CHD1L: variants seen among roughly 807,000 people sequenced by gnomAD.
The protein encoded by CHD1L is chromodomain helicase DNA binding protein 1 like, also known as ATP-dependent chromatin remodeler CHD1L.
Under a neutral mutation model 115.9 loss-of-function variants are expected in CHD1L, and 118 were observed. The ratio of observed to expected loss-of-function variants is 1.02; its 90% CI spans 0.88 to 1.19. CHD1L has a LOEUF of 1.19. CHD1L is among the 50% of genes most tolerant of loss of function. CHD1L has a pLI of 0.00. For missense variants in CHD1L, 1,179 were observed against 1,065.3 expected, an observed-to-expected ratio of 1.11 and a Z score of -1.49; for synonymous variants, 411 against 387.1, an observed-to-expected ratio of 1.06 and a Z score of -0.72.
Position 147,268,781 on chromosome 1 carries a change from G to T in CHD1L, c.989-1G>T. On this transcript the variant is annotated splice_acceptor_variant, in intron 9 of 22. Coordinates refer to ENST00000369258, the MANE Select transcript of CHD1L (RefSeq NM_004284.6). LOFTEE classifies it high-confidence loss of function. ...CTGGGAGTGGGTTCTTTCTTTTCTA[G>T]GTGTGGAGCCGGAGCCTTTTGAAGT... is the stretch of plus-strand genomic sequence containing the variant. 1 of 1,612,614 alleles carries T rather than the reference G, an allele frequency of 6.2e-7. No individual in the cohort carries two copies. The highest frequency in any genetic ancestry group is 8.5e-7 in the Non-Finnish European group (1 of 1,179,074).
At chr1:147,225,079 T>C in the CHD1L span, 1 of 1,612,458 alleles carries the variant, frequency 6.2e-7, no homozygotes, top group Non-Finnish European at 8.5e-7. Context: ...AAAGAAAGGA[T>C]GACAAAAGAC....
chr1:147,291,607 T>C (rs1685560238), intron 20 of CHD1L, 55 bp downstream of exon 20: 1 of 1,433,678 alleles, frequency 7.0e-7, no homozygotes, highest in African/African-American at 1.4e-5. Context: ...TCAACTTCTC[T>C]TGAAGTGTCC....
intron 22 of CHD1L, 135 bp downstream of exon 22, chr1:147,294,652 CAAAG>C (rs1300474277): frequency 1.0e-5 from 6 of 574,612 alleles, no homozygotes; most frequent in African/African-American, 5.7e-5. Context: ...TTCAGTGAGA[CAAAG>C]AAAGAAGCAC....
chr1:147,176,359 G>A, the CHD1L span: 1 of 152,198 alleles, frequency 6.6e-6, no homozygotes, highest in Non-Finnish European at 1.5e-5. Context: ...GGATTTGCAT[G>A]TAAATTCTAT....
chr1:147,282,502 G>A (rs1681310385), intron 15 of CHD1L, among the ~76,000 whole-genome samples: 1 of 152,116 alleles, frequency 6.6e-6, no homozygotes, highest in Non-Finnish European at 1.5e-5. Context: ...TTGTTTCCAT[G>A]TCTCTTCTTA....
intron 1 of CHD1L, among the ~76,000 whole-genome samples, chr1:147,250,809 G>C (rs72999623): frequency 0.017 from 2,620 of 152,096 alleles, 79 homozygotes; most frequent in African/African-American, 0.06. Flanking sequence ...TGTGAGGGGT[G>C]GGGGTGGTAT....
intron 8 of CHD1L, among the ~76,000 whole-genome samples, chr1:147,266,908 A>G (rs888700590): frequency 1.3e-5 from 2 of 152,224 alleles, no homozygotes; most frequent in African/African-American, 4.8e-5. Context: ...AAACTTTATC[A>G]TAGGTATGTA....
chr1:147,178,897 A>T, the CHD1L span: 1 of 1,570,922 alleles, frequency 6.4e-7, no homozygotes, highest in African/African-American at 1.4e-5. Flanking sequence ...GGACTTACTT[A>T]TTGCTTACTA....
chr1:147,203,319 C>A, the CHD1L span: 1 of 1,593,596 alleles, frequency 6.3e-7, no homozygotes, highest in East Asian at 2.2e-5. Flanking sequence ...CACTTGGAGG[C>A]TTGGGCCCAC....
upstream of CHD1L, among the ~76,000 whole-genome samples, chr1:147,240,787 T>C (rs587663574): frequency 2.0e-5 from 3 of 152,310 alleles, no homozygotes; most frequent in African/African-American, 7.2e-5. Context: ...TTGTTTATGA[T>C]GCAGAGACAT....
chr1:147,205,542 C>T, the CHD1L span, among the ~76,000 whole-genome samples: 5,608 of 152,120 alleles, frequency 0.037, 148 homozygotes, highest in South Asian at 0.095. Context: ...AAAAGAAAGC[C>T]CATGTCAAAG....
intron 10 of CHD1L, among the ~76,000 whole-genome samples, chr1:147,269,852 C>G (rs1411679903): frequency 6.6e-6 from 1 of 152,050 alleles, no homozygotes; most frequent in Non-Finnish European, 1.5e-5. Context: ...CTGAACTAAT[C>G]TAAAACTTCA....
upstream of CHD1L, among the ~76,000 whole-genome samples, chr1:147,241,519 C>A (rs1356215991): frequency 1.3e-5 from 2 of 152,156 alleles, no homozygotes; most frequent in Admixed American, 1.3e-4. Flanking sequence ...ACTCAGCCCA[C>A]CTGCACCCAG....
the CHD1L span, among the ~76,000 whole-genome samples, chr1:147,202,146 A>G: frequency 6.6e-6 from 1 of 152,112 alleles, no homozygotes; most frequent in African/African-American, 2.4e-5. Flanking sequence ...TTTTCAGTGA[A>G]TTATCTTGGT....
chr1:147,213,299 G>A, the CHD1L span: 4 of 1,596,798 alleles, frequency 2.5e-6, no homozygotes, highest in Admixed American at 1.7e-5. Context: ...TTCCTGGTAA[G>A]CTGCTCACCA....
chr1:147,224,086 G>A, the CHD1L span: 2 of 365,716 alleles, frequency 5.5e-6, no homozygotes, highest in African/African-American at 4.3e-5. Flanking sequence ...CCAAAATGGG[G>A]GTCCCTTACT....
At position 147,276,232 on chromosome 1, in the gene CHD1L, A is replaced by C; in HGVS notation, c.1514A>C (p.Lys505Thr). ...EGGHFTLGAQ[K>T]PAADADLQLS... Reference sequence around the variant, plus strand: ...GGCCATTTTACTCTGGGAGCCCAGAAACCCGCTGCCGATGCTGACCTCCAG... The same window carrying C: ...GGCCATTTTACTCTGGGAGCCCAGACACCCGCTGCCGATGCTGACCTCCAG... The change falls in exon 14 of 23, where the codon AAA (lysine) becomes ACA (threonine). Residue 505 changes from lysine to threonine, a missense_variant. By Grantham distance (78) the Lys-to-Thr change is moderately conservative. Coordinates refer to ENST00000369258, the MANE Select transcript of CHD1L (RefSeq NM_004284.6). 1 of 1,614,188 alleles carries C rather than the reference A, an allele frequency of 6.2e-7. No individual in the cohort carries two copies. The highest frequency in any genetic ancestry group is 8.5e-7 in the Non-Finnish European group (1 of 1,180,008).
At chr1:147,242,487 G>A (rs1352064676), upstream of CHD1L, among the ~76,000 whole-genome samples, 4 of 152,262 alleles carry the variant, frequency 2.6e-5, no homozygotes, top group African/African-American at 9.6e-5. Context: ...CACGACTGGT[G>A]AGAACTGGGC....
chr1:147,178,233 C>T, the CHD1L span: 11 of 1,613,646 alleles, frequency 6.8e-6, no homozygotes, highest in Non-Finnish European at 9.3e-6. Context: ...GTCGCATCTC[C>T]GACACGGGCT....
Sources: allele counts gnomAD v4.1 joint callset (sites outside exome capture counted in the v4.1 genomes callset), GRCh38; gene constraint gnomAD v4.1.1; transcripts MANE v1.5; gene names NCBI Gene and HGNC (gene_info 2026-07-23, HGNC 2026-07-21).